The following NRXN3 variants were observed in gnomAD, a reference collection of about 807,000 sequenced individuals.
The protein encoded by NRXN3 is neurexin III.
NRXN3 carries 32 observed loss-of-function variants against 137.6 expected under a neutral mutation model. That is an observed-to-expected ratio of 0.23 (90% CI 0.18 to 0.31). The LOEUF is 0.31. NRXN3 is among the 10% of genes least tolerant of loss of function. The pLI is 1.00. For synonymous variants in NRXN3, 798 were observed against 784.5 expected, an observed-to-expected ratio of 1.02 and a Z score of -0.29; for missense variants, 1,574 against 2,062.5, an observed-to-expected ratio of 0.76 and a Z score of 4.59.
At chr14:79,355,436 T>C (rs1051243123) in intron 15 of NRXN3, among the ~76,000 whole-genome samples, 1 of 152,154 alleles carries the variant, frequency 6.6e-6, no homozygotes, top group Admixed American at 6.5e-5. Context: ...AAGCTCAAAA[T>C]TGTTCCTCGG....
chr14:79,132,079 G>T (rs960650157), intron 15 of NRXN3, among the ~76,000 whole-genome samples: 1 of 152,210 alleles, frequency 6.6e-6, no homozygotes, highest in Non-Finnish European at 1.5e-5. Context: ...CGCACTGTCT[G>T]GCACTCCCTA....
intron 1 of NRXN3, among the ~76,000 whole-genome samples, chr14:78,225,171 C>T (rs1347746942): frequency 6.6e-6 from 1 of 152,208 alleles, no homozygotes; most frequent in Non-Finnish European, 1.5e-5. Flanking sequence ...TGAAGAATCA[C>T]CACACTGACT....
chr14:78,710,815 G>A (rs370069005), intron 7 of NRXN3, among the ~76,000 whole-genome samples: 1 of 152,162 alleles, frequency 6.6e-6, no homozygotes, highest in Non-Finnish European at 1.5e-5. Flanking sequence ...TTTGCAGAGG[G>A]CAGATGGGTG....
intron 4 of NRXN3, among the ~76,000 whole-genome samples, chr14:78,536,819 A>C (rs533380700): frequency 6.9e-6 from 1 of 145,050 alleles, no homozygotes; most frequent in Non-Finnish European, 1.5e-5. Flanking sequence ...AAGTGAACTC[A>C]ATGTTCCATT....
At chr14:78,645,498 G>C in intron 5 of NRXN3, 77 bp downstream of exon 5, 1 of 1,276,480 alleles carries the variant, frequency 7.8e-7, no homozygotes, top group Non-Finnish European at 1.1e-6. Context: ...GCAGGTGATG[G>C]GTGTGAGGTG....
At chr14:79,237,773 A>G (rs936796608) in intron 15 of NRXN3, among the ~76,000 whole-genome samples, 11 of 152,152 alleles carry the variant, frequency 7.2e-5, no homozygotes, top group African/African-American at 2.7e-4. Flanking sequence ...TGAGATTTGA[A>G]TTAAGGACAC....
intron 15 of NRXN3, among the ~76,000 whole-genome samples, chr14:79,328,394 G>A (rs1287130556): frequency 6.6e-6 from 1 of 152,204 alleles, no homozygotes; most frequent in Non-Finnish European, 1.5e-5. Flanking sequence ...GTTAGAATCA[G>A]TGTCAGACAT....
At chr14:78,613,263 G>A (rs996173633) in intron 4 of NRXN3, among the ~76,000 whole-genome samples, 1 of 152,128 alleles carries the variant, frequency 6.6e-6, no homozygotes, top group African/African-American at 2.4e-5. Flanking sequence ...TGCCATTTTA[G>A]TAGTTATATT....
chr14:79,068,897 A>G (rs79836024), intron 15 of NRXN3, among the ~76,000 whole-genome samples: 9,278 of 152,164 alleles, frequency 0.061, 863 homozygotes, highest in African/African-American at 0.2. Context: ...CAGGGGAAGA[A>G]CAGGGGAGAA....
intron 10 of NRXN3, among the ~76,000 whole-genome samples, chr14:78,812,963 C>G (rs2098918950): frequency 6.6e-6 from 1 of 152,086 alleles, no homozygotes; most frequent in South Asian, 2.1e-4. Flanking sequence ...TAATCTAACA[C>G]CTTTAGAGCT....
intron 16 of NRXN3, among the ~76,000 whole-genome samples, chr14:79,517,819 C>A (rs940704500): frequency 2.6e-4 from 39 of 151,182 alleles, no homozygotes; most frequent in African/African-American, 8.7e-4. Flanking sequence ...AATTCTGAAA[C>A]CTGTACAATA....
Position 78,652,755 on chromosome 14 carries a change from A to G in NRXN3, c.1221+1429A>G, listed in dbSNP as rs886744326. ...AGGCATGGCACATAGTAGATGCATA[A>G]TAAGGATTTGTTTGTCTATTTATCT... is the stretch of plus-strand genomic sequence containing the variant. On this transcript the variant is annotated intron_variant, in intron 6 of 20. Coordinates refer to ENST00000335750, the MANE Select transcript of NRXN3 (RefSeq NM_001330195.2). 3.9e-5 allele frequency among the ~76,000 whole-genome samples: 6 copies of G among 152,348 alleles called. No individual in the cohort carries two copies. In the East Asian group the frequency reaches 9.7e-4, roughly 25 times the overall value.
chr14:79,397,538 G>A (rs1318720540), intron 15 of NRXN3, among the ~76,000 whole-genome samples: 1 of 152,104 alleles, frequency 6.6e-6, no homozygotes, highest in Admixed American at 6.5e-5. Context: ...CTACATCACA[G>A]GTAGTCTAGT....
intron 10 of NRXN3, among the ~76,000 whole-genome samples, chr14:78,853,116 G>A (rs1053446412): frequency 1.3e-5 from 2 of 151,944 alleles, no homozygotes; most frequent in African/African-American, 4.8e-5. Flanking sequence ...CATGCACAAC[G>A]TGCAGGTTTG....
chr14:79,329,657 T>C (rs1461477128), intron 15 of NRXN3, among the ~76,000 whole-genome samples: 2 of 152,186 alleles, frequency 1.3e-5, no homozygotes, highest in African/African-American at 4.8e-5. Flanking sequence ...TGATCCCTAG[T>C]TAGGCAAAAA....
chr14:79,153,979 T>G (rs2060024171), intron 15 of NRXN3, among the ~76,000 whole-genome samples: 1 of 151,934 alleles, frequency 6.6e-6, no homozygotes, highest in Non-Finnish European at 1.5e-5. Flanking sequence ...AGAAGCAGGG[T>G]CACGCAGGAT....
chr14:78,711,118 T>C (rs999789196), intron 7 of NRXN3, among the ~76,000 whole-genome samples: 2 of 152,124 alleles, frequency 1.3e-5, no homozygotes, highest in African/African-American at 4.8e-5. Flanking sequence ...AACACTGCTG[T>C]TGGTTTTTAA....
chr14:79,070,077 A>G (rs1197691127), intron 15 of NRXN3, among the ~76,000 whole-genome samples: 1 of 152,124 alleles, frequency 6.6e-6, no homozygotes, highest in Non-Finnish European at 1.5e-5. Flanking sequence ...TGGGAAACCA[A>G]TGTCACATCA....
At chr14:79,616,153 G>A (rs1475260343) in intron 16 of NRXN3, among the ~76,000 whole-genome samples, 3 of 152,116 alleles carry the variant, frequency 2.0e-5, no homozygotes, top group Non-Finnish European at 4.4e-5. Context: ...TAGAAATATT[G>A]TTGTGGAAAC....
Sources: gnomAD v4.1 joint callset for allele counts (sites outside exome capture counted in the v4.1 genomes callset) on GRCh38, gnomAD v4.1.1 for gene constraint, MANE v1.5 for transcripts, NCBI Gene and HGNC (gene_info 2026-07-23, HGNC 2026-07-21) for gene names.